NPAS2: variants seen among roughly 807,000 people sequenced by gnomAD.
NPAS2 encodes neuronal PAS domain-containing protein 2.
Under a neutral mutation model 107.5 loss-of-function variants are expected in NPAS2, and 23 were observed. The observed-to-expected ratio is 0.21, with a 90% CI of 0.15 to 0.30. NPAS2 has a LOEUF of 0.30. NPAS2 is among the 10% of genes least tolerant of loss of function. The pLI is 1.00. For synonymous variants in NPAS2, 403 were observed against 417.5 expected, an observed-to-expected ratio of 0.97 and a Z score of 0.42; for missense variants, 756 against 1,043.3, an observed-to-expected ratio of 0.72 and a Z score of 3.79.
At chr2:100,987,829 G>A in intron 16 of NPAS2, 1 of 541,230 alleles carries the variant, frequency 1.8e-6, no homozygotes, top group Non-Finnish European at 3.3e-6. Context: ...ACATTGTTAG[G>A]CCTCAGTCAC....
rs1319436292 is a variant in NPAS2, at chr2:100,968,419, C to T, written c.1046C>T (p.Ser349Leu). Residue 349 changes from serine (S) to leucine (L), a missense_variant, in exon 11 of 21, where the codon TCG becomes TTG. By Grantham distance (145) the Ser-to-Leu change is moderately radical. This residue lies in a region of NPAS2 where 84 missense variants were observed against 175.5 expected (regional missense o/e 0.48). Transcript: ENST00000335681. The surrounding 1 kb of genome is among the most constrained non-coding windows in gnomAD (Gnocchi z 5.3). ...SKPEFIVCTH[S>L]VVSYADVRVE... ...CCCGAGTTCATCGTGTGCACACACT[C>T]GGTGGTCAGGTACCGCGCACGGGCA... 2 of 1,613,986 alleles carry T rather than the reference C, an allele frequency of 1.2e-6. No individual in the cohort carries two copies. Among genetic ancestry groups the T allele is most frequent in the Non-Finnish European group, 8.5e-7 (1 of 1,179,952 alleles).
intron 1 of NPAS2, among the ~76,000 whole-genome samples, chr2:100,831,723 A>G (rs1235574385): frequency 6.6e-6 from 1 of 152,136 alleles, no homozygotes; most frequent in Non-Finnish European, 1.5e-5. Context: ...TAGAGGTTTT[A>G]TGATCTCTCA....
intron 3 of NPAS2, among the ~76,000 whole-genome samples, chr2:100,927,224 A>G (rs962640167): frequency 3.4e-4 from 51 of 152,092 alleles, no homozygotes; most frequent in African/African-American, 7.7e-4. Flanking sequence ...GTGAGCCACC[A>G]CGCCCAGCCT....
intron 11 of NPAS2, among the ~76,000 whole-genome samples, chr2:100,969,605 T>C (rs1225646123): frequency 6.6e-6 from 1 of 152,208 alleles, no homozygotes; most frequent in Non-Finnish European, 1.5e-5. Context: ...ATGCATTTCT[T>C]ATATACAGCC....
At chr2:100,833,549 G>A (rs1329918010) in intron 1 of NPAS2, among the ~76,000 whole-genome samples, 7 of 152,206 alleles carry the variant, frequency 4.6e-5, no homozygotes, top group African/African-American at 1.7e-4. Context: ...AGTGGGGGAA[G>A]TGAAATACTT....
At chr2:100,952,566 A>G (rs1675293362) in intron 7 of NPAS2, among the ~76,000 whole-genome samples, 2 of 151,628 alleles carry the variant, frequency 1.3e-5, no homozygotes, top group Non-Finnish European at 2.9e-5. Flanking sequence ...CTCTGTCTCA[A>G]AAAAAAAACA....
chr2:100,957,859 C>T (rs902527531), intron 7 of NPAS2, among the ~76,000 whole-genome samples: 8 of 152,070 alleles, frequency 5.3e-5, no homozygotes, highest in Non-Finnish European at 7.4e-5. Flanking sequence ...ACCCGGGAGG[C>T]GGAGCTTGCC....
At chr2:100,905,861 C>T (rs1463689726) in intron 2 of NPAS2, among the ~76,000 whole-genome samples, 2 of 152,182 alleles carry the variant, frequency 1.3e-5, no homozygotes, top group African/African-American at 4.8e-5. Flanking sequence ...GGGCAGCTGT[C>T]GTTCCATGTC....
chr2:100,937,040 C>T (rs542310077), intron 4 of NPAS2, among the ~76,000 whole-genome samples: 1 of 151,984 alleles, frequency 6.6e-6, no homozygotes, highest in South Asian at 2.1e-4. Context: ...AAAGCATTGC[C>T]CACCTTCAAC....
At chr2:100,942,025 A>G (rs979326475) in intron 5 of NPAS2, among the ~76,000 whole-genome samples, 4 of 152,168 alleles carry the variant, frequency 2.6e-5, no homozygotes, top group African/African-American at 7.2e-5. Flanking sequence ...GTTATGAGCA[A>G]CTGCAAGCAG....
intron 19 of NPAS2, among the ~76,000 whole-genome samples, chr2:100,991,251 C>A (rs1179408258): frequency 2.0e-5 from 3 of 152,194 alleles, no homozygotes; most frequent in Non-Finnish European, 4.4e-5. Flanking sequence ...GTGCTCCGTG[C>A]TTCTGGCACC....
rs1434607283 is a variant in NPAS2 at position 100,873,289 on chromosome 2, TATATATATATATATATATAC to T, written c.-22-31442_-22-31423del. Among the ~76,000 whole-genome samples the T allele has an allele frequency of 2.8e-4, 12 of 42,424 alleles. No homozygotes were observed. The South Asian group carries it at 3.0e-3, about 10-fold the overall frequency. 27.8% of individuals were successfully genotyped at this position (42,424 alleles called of 152,430 possible). ...AAAAAAAAATACATATATATATATA[TATATATATATATATATATAC>T]ACACACACACACACACACACACACA... On this transcript the variant is annotated intron_variant, in intron 1 of 20. Coordinates refer to ENST00000335681, the MANE Select transcript of NPAS2 (RefSeq NM_002518.4).
chr2:100,839,419 G>A (rs1677259959), intron 1 of NPAS2, among the ~76,000 whole-genome samples: 2 of 152,122 alleles, frequency 1.3e-5, no homozygotes, highest in African/African-American at 4.8e-5. Flanking sequence ...GTGAGCCACC[G>A]CGCCTGGCCT....
chr2:100,911,274 T>A (rs1682531479), intron 2 of NPAS2, among the ~76,000 whole-genome samples: 1 of 152,172 alleles, frequency 6.6e-6, no homozygotes. Context: ...CAAGTAATTC[T>A]TCATGATTTT....
At chr2:100,979,409 T>A (rs1677260157) in intron 15 of NPAS2, among the ~76,000 whole-genome samples, 1 of 150,302 alleles carries the variant, frequency 6.7e-6, no homozygotes, top group African/African-American at 2.4e-5. Context: ...TGTGATGCAG[T>A]CTCTTTTGGA....
intron 1 of NPAS2, among the ~76,000 whole-genome samples, chr2:100,893,246 C>G (rs1184009449): frequency 6.6e-6 from 1 of 152,106 alleles, no homozygotes; most frequent in Non-Finnish European, 1.5e-5. Flanking sequence ...GACGTTAATC[C>G]AAAACGACAT....
chr2:100,971,006 G>A lies in NPAS2; in HGVS notation c.1072G>A (p.Val358Met). 6.2e-7 allele frequency: 1 copy of A among 1,614,138 alleles called. No homozygotes were observed. The highest frequency in any genetic ancestry group is 8.5e-7 in the Non-Finnish European group (1 of 1,180,022). Residue 358 changes from valine (V) to methionine (M), a missense_variant, in exon 12 of 21, where the codon GTG becomes ATG. Around this residue, in one of 4 missense-constraint regions of NPAS2, gnomAD observed 84 missense variants for 175.5 expected, o/e 0.48. Transcript: ENST00000335681. ...CCTGTACAGTTACGCAGATGTCCGG[G>A]TGGAAAGGAGGCAGGAGCTGGCTCT... is the stretch of plus-strand genomic sequence containing the variant. Reference protein sequence around the residue: ...HSVVSYADVRVERRQELALED... With the variant: ...HSVVSYADVRMERRQELALED...
At chr2:100,819,865 C>A (rs1038579120), upstream of NPAS2, among the ~76,000 whole-genome samples, 1 of 152,098 alleles carries the variant, frequency 6.6e-6, no homozygotes, top group Non-Finnish European at 1.5e-5. The surrounding 1 kb of genome is among the most constrained non-coding windows in gnomAD (Gnocchi z 5.8). Context: ...GCGTCCCTGG[C>A]AGCCCAGCAG....
chr2:100,868,803 T>G (rs1679393778), intron 1 of NPAS2, among the ~76,000 whole-genome samples: 1 of 152,240 alleles, frequency 6.6e-6, no homozygotes, highest in East Asian at 1.9e-4. Flanking sequence ...AAATTCTTAT[T>G]CCAGAAATTA....
Sources: gnomAD v4.1 joint callset for allele counts (sites outside exome capture counted in the v4.1 genomes callset) on GRCh38, gnomAD v4.1.1 for gene constraint, gnomAD v4.1.1 regional missense constraint, Gnocchi (gnomAD v3.1) non-coding constraint, MANE v1.5 for transcripts, NCBI Gene and HGNC (gene_info 2026-07-23, HGNC 2026-07-21) for gene names.